Variants in RHNO1 observed in about 807,000 individuals in gnomAD.
RHNO1 encodes RAD9, HUS1, RAD1-interacting nuclear orphan protein 1.
In RHNO1, 9 loss-of-function variants were observed where a neutral mutation model predicts 7.2. The ratio of observed to expected loss-of-function variants is 1.25; its 90% CI spans 0.75 to 2.18. The LOEUF (loss-of-function observed/expected upper bound fraction) is 2.18, where lower values mean the gene tolerates loss of function less well. RHNO1 is among the 30% of genes most tolerant of loss of function. The pLI, the probability that RHNO1 is intolerant of heterozygous loss-of-function variation, is 0.00. For missense variants in RHNO1, 292 were observed against 284.5 expected (o/e 1.03, Z -0.19); for synonymous variants, 95 against 107.5 (o/e 0.88, Z 0.72).
At position 2,889,135 on chromosome 12, in the gene RHNO1, T is replaced by C. The variant is rs186061699; in HGVS notation, c.*676T>C. 6.6e-6 allele frequency: 1 copy of C among 152,184 alleles called. No homozygotes were observed. Among genetic ancestry groups the C allele is most frequent in the African/African-American group, 2.4e-5 (1 of 41,498 alleles). 9.4% of individuals were successfully genotyped at this position (152,184 alleles called of 1,614,324 possible). On this transcript the variant is annotated 3_prime_UTR_variant, in exon 3 of 3. Coordinates refer to ENST00000489288, the MANE Select transcript of RHNO1 (RefSeq NM_001252499.3). Reference sequence around the variant, plus strand: ...CTCAGTGGCAGCTTCTACGACCTGATGGATGGAAAAAAATCAAACTCTGTG... The same window carrying C: ...CTCAGTGGCAGCTTCTACGACCTGACGGATGGAAAAAAATCAAACTCTGTG...
chr12:2,876,886 C>T (rs12425068), upstream of RHNO1: 14,205 of 152,730 alleles, frequency 0.093, 868 homozygotes, highest in Non-Finnish European at 0.13. Flanking sequence ...GTGCCCAGGC[C>T]AGGCCTGGGA....
chr12:2,876,468 G>A (rs998708098), upstream of RHNO1: 8 of 152,312 alleles, frequency 5.3e-5, no homozygotes, highest in Admixed American at 2.0e-4. Context: ...CCTGAGCGGG[G>A]AAATCTTGCT....
intron 2 of RHNO1, among the ~76,000 whole-genome samples, chr12:2,887,493 A>C (rs1485064101): frequency 1.3e-5 from 2 of 151,778 alleles, no homozygotes; most frequent in Non-Finnish European, 2.9e-5. Context: ...AAAAAAAAAA[A>C]AAAAAAATAC....
chr12:2,888,671 G>A lies in RHNO1; in HGVS notation c.*212G>A, dbSNP rs1019976199. ...GCCTCCCCAGTAGCTGGGATTACAG[G>A]CACCAGCCACCATGCCTGGCTAATT... On this transcript the variant is annotated 3_prime_UTR_variant, in exon 3 of 3. Transcript: ENST00000489288. The A allele has an allele frequency of 2.2e-5, 9 of 404,556 alleles. No homozygotes were observed. The East Asian group carries it at 3.0e-4, about 13-fold the overall frequency. 25.1% of individuals were successfully genotyped at this position (404,556 alleles called of 1,614,324 possible).
intron 1 of RHNO1, among the ~76,000 whole-genome samples, chr12:2,881,707 C>T (rs2098157922): frequency 6.6e-6 from 1 of 151,304 alleles, no homozygotes; most frequent in South Asian, 2.1e-4. Context: ...GAGTTCGAGA[C>T]CAGCCTGGTC....
upstream of RHNO1, chr12:2,876,940 C>A (rs2098145913): frequency 2.0e-5 from 3 of 152,394 alleles, no homozygotes; most frequent in South Asian, 6.2e-4. Flanking sequence ...CAGTCGCCGC[C>A]GCCGTTAGGC....
intron 1 of RHNO1, among the ~76,000 whole-genome samples, chr12:2,883,072 A>AAAAAAAAAAAAAAAAAC (rs2098160179): frequency 1.5e-5 from 1 of 65,156 alleles, no homozygotes; most frequent in Non-Finnish European, 2.9e-5. Flanking sequence ...GTCTCAAAAA[A>AAAAAAAAAAAAAAAAAC]AAAAAAAAAA....
Position 2,888,183 on chromosome 12 carries a change from C to G in RHNO1, c.441C>G (p.Ser147Arg). Residue 147 changes from serine (S) to arginine (R), a missense_variant, in exon 3 of 3, where the codon AGC becomes AGG. Physicochemically the swap from Ser to Arg is moderately radical, Grantham distance 110. Coordinates refer to ENST00000489288, the MANE Select transcript of RHNO1 (RefSeq NM_001252499.3). ...CGNMSVQALQ[S>R]LPYVFIPPDI... ...ACATGTCAGTGCAGGCACTTCAGAG[C>G]TTACCTTATGTGTTCATTCCACCTG... 12 of 1,614,158 alleles carry G rather than the reference C, an allele frequency of 7.4e-6. 1 individual carries two copies. Among genetic ancestry groups the G allele is most frequent in the Non-Finnish European group, 1.0e-5 (12 of 1,180,034 alleles).
intron 1 of RHNO1, among the ~76,000 whole-genome samples, chr12:2,884,467 T>A (rs2098162944): frequency 6.6e-6 from 1 of 152,254 alleles, no homozygotes; most frequent in Non-Finnish European, 1.5e-5. Flanking sequence ...CCTAAAGTGA[T>A]CAGCCTGCCT....
intron 1 of RHNO1, among the ~76,000 whole-genome samples, chr12:2,883,163 G>C (rs531041728): frequency 2.2e-4 from 33 of 151,170 alleles, no homozygotes; most frequent in Non-Finnish European, 4.0e-4. Flanking sequence ...CAGATAGCTT[G>C]AGCTCAGGAA....
rs1462354234 is a variant in RHNO1 at position 2,889,425 on chromosome 12, T to C, written c.*966T>C. The C allele has an allele frequency of 6.6e-6, 1 of 152,200 alleles. No individual in the cohort carries two copies. The highest frequency in any genetic ancestry group is 1.5e-5 in the Non-Finnish European group (1 of 68,032). 9.4% of individuals were successfully genotyped at this position (152,200 alleles called of 1,614,324 possible). On this transcript the variant is annotated 3_prime_UTR_variant, in exon 3 of 3. Transcript: ENST00000489288. ...AAGGAAAGTTTTCAATGAGTATTAC[T>C]TATTGTAATTAATGCAGAAGGACTT...
chr12:2,886,928 G>A (rs781052563), intron 2 of RHNO1: 30 of 455,308 alleles, frequency 6.6e-5, no homozygotes, highest in South Asian at 9.3e-5. Flanking sequence ...GTTCTCACCC[G>A]CTATGCTTGG....
rs547203621 is a variant in RHNO1 at position 2,885,170 on chromosome 12, G to A, written c.-84-113G>A. 158 of 543,934 alleles carry A rather than the reference G, an allele frequency of 2.9e-4. 1 individual carries two copies. The highest frequency in any genetic ancestry group is 2.9e-5 in the Non-Finnish European group (9 of 305,990). The allele number at this position is 543,934 out of a possible 1,614,324, so 33.7% of individuals were successfully genotyped here. Reference sequence around the variant, plus strand: ...TTGCTTGGTGGTTGTAGGTATAGGAGGCTGTGCTCCCCAAAGCCTTGAAGT... The same window carrying A: ...TTGCTTGGTGGTTGTAGGTATAGGAAGCTGTGCTCCCCAAAGCCTTGAAGT... On this transcript the variant is annotated intron_variant, in intron 1 of 2. Coordinates refer to ENST00000489288, the MANE Select transcript of RHNO1 (RefSeq NM_001252499.3).
intron 1 of RHNO1, among the ~76,000 whole-genome samples, chr12:2,879,099 A>C (rs578035230): frequency 5.9e-5 from 9 of 152,008 alleles, no homozygotes; most frequent in African/African-American, 2.2e-4. Flanking sequence ...TCCTGGGCTC[A>C]GGTGATCCTC....
At chr12:2,878,687 GGAGA>G (rs151061951) in intron 1 of RHNO1, among the ~76,000 whole-genome samples, 4 of 151,622 alleles carry the variant, frequency 2.6e-5, no homozygotes, top group South Asian at 2.1e-4. Context: ...AGGGTGGCAG[GGAGA>G]GAGAGAGAGG....
intron 1 of RHNO1, among the ~76,000 whole-genome samples, chr12:2,881,221 G>C (rs1322357281): frequency 6.6e-6 from 1 of 151,916 alleles, no homozygotes; most frequent in African/African-American, 2.4e-5. Context: ...TCCTGTCTCA[G>C]CCTCCTGAGT....
intron 1 of RHNO1, among the ~76,000 whole-genome samples, chr12:2,881,058 C>G (rs914656031): frequency 6.6e-6 from 1 of 151,994 alleles, no homozygotes; most frequent in African/African-American, 2.4e-5. Flanking sequence ...AAAACTATAG[C>G]CATTGCTACC....
Position 2,885,731 on chromosome 12 carries a change from C to T in RHNO1, c.168+197C>T, listed in dbSNP as rs148314142. On this transcript the variant is annotated intron_variant, in intron 2 of 2. Transcript: ENST00000489288. ...CTGGAACTACAGGCACCCGCCACCA[C>T]GCCCGGCTAATTTTTTTGTATTTTC... 9.6e-3 allele frequency: 4,435 copies of T among 461,632 alleles called. 37 individuals carry two copies. Among genetic ancestry groups the T allele is most frequent in the Admixed American group, 0.013 (336 of 25,530 alleles). 28.6% of individuals were successfully genotyped at this position (461,632 alleles called of 1,614,324 possible). A position where few individuals can be genotyped will look rare whatever the true frequency, so the allele number is the denominator to read the frequency against.
At chr12:2,883,493 ATATATATATATATATATATTTTTTTT>A (rs2098161081) in intron 1 of RHNO1, among the ~76,000 whole-genome samples, 1 of 18,734 alleles carries the variant, frequency 5.3e-5, no homozygotes, top group Admixed American at 8.1e-4. Flanking sequence ...ATATATATAT[ATATATATATATATATATATTTTTTTT>A]TTTTTTTTTT....
Sources: allele counts gnomAD v4.1 joint callset (sites outside exome capture counted in the v4.1 genomes callset), GRCh38; gene constraint gnomAD v4.1.1; transcripts MANE v1.5; gene names NCBI Gene and HGNC (gene_info 2026-07-23, HGNC 2026-07-21).